Variants in ARHGEF10L observed in about 807,000 individuals in gnomAD.
The protein encoded by ARHGEF10L is Rho guanine nucleotide exchange factor 10 like.
In ARHGEF10L, 69 loss-of-function variants were observed where a neutral mutation model predicts 141.2. The observed-to-expected ratio is 0.49, with a 90% CI of 0.40 to 0.60. The LOEUF is 0.60. Ranked by LOEUF, ARHGEF10L falls within the 20% of genes least tolerant of loss-of-function variation. ARHGEF10L has a pLI of 0.00. For synonymous variants in ARHGEF10L, 711 were observed against 718.5 expected, an observed-to-expected ratio of 0.99 and a Z score of 0.17; for missense variants, 1,482 against 1,734.3, an observed-to-expected ratio of 0.85 and a Z score of 2.58.
intron 18 of ARHGEF10L, among the ~76,000 whole-genome samples, chr1:17,636,455 A>G (rs1218707840): frequency 6.6e-6 from 1 of 152,232 alleles, no homozygotes; most frequent in Non-Finnish European, 1.5e-5. Context: ...AATTAACAGC[A>G]TTAATGTAAT....
chr1:17,693,148 C>A (rs956566624), intron 27 of ARHGEF10L, among the ~76,000 whole-genome samples: 1 of 152,212 alleles, frequency 6.6e-6, no homozygotes, highest in Admixed American at 6.5e-5. Flanking sequence ...GCCATTATTA[C>A]AATGAAAGAA....
At chr1:17,638,145 G>A (rs570880147) in intron 19 of ARHGEF10L, 142 bp downstream of exon 19, 26 of 771,530 alleles carry the variant, frequency 3.4e-5, no homozygotes, top group Admixed American at 3.2e-4. Context: ...GTTGGCAACT[G>A]TCGCTGCTGA....
chr1:17,543,133 C>A (rs374887861), intron 1 of ARHGEF10L, among the ~76,000 whole-genome samples: 68 of 152,304 alleles, frequency 4.5e-4, no homozygotes, highest in African/African-American at 1.5e-3. Flanking sequence ...CATTCAGGAC[C>A]CTGGTCTGAT....
chr1:17,609,648 C>T (rs189643934), intron 7 of ARHGEF10L, among the ~76,000 whole-genome samples: 55 of 152,274 alleles, frequency 3.6e-4, no homozygotes, highest in African/African-American at 7.9e-4. Flanking sequence ...AATGCCTTTA[C>T]GTAAACATGA....
chr1:17,581,916 C>A (rs2078605091), intron 2 of ARHGEF10L, among the ~76,000 whole-genome samples: 1 of 152,054 alleles, frequency 6.6e-6, no homozygotes, highest in South Asian at 2.1e-4. Flanking sequence ...GCAGACCTGT[C>A]TTCCCTGTGG....
intron 1 of ARHGEF10L, among the ~76,000 whole-genome samples, chr1:17,580,300 G>C (rs1293635830): frequency 6.6e-6 from 1 of 152,242 alleles, no homozygotes; most frequent in Non-Finnish European, 1.5e-5. Flanking sequence ...GGTCCCTGCA[G>C]GTCCCTTGGC....
At position 17,627,435 on chromosome 1, in the gene ARHGEF10L, C is replaced by G; in HGVS notation, c.1516C>G (p.Leu506Val). 1 of 1,613,678 alleles carries G rather than the reference C, an allele frequency of 6.2e-7. No individual in the cohort carries two copies. The highest frequency in any genetic ancestry group is 8.5e-7 in the Non-Finnish European group (1 of 1,180,032). Reference sequence around the variant, plus strand: ...TGAGAAGCTGAACGAGCAGAAGCGGCTGGCTGACCAGGTGGCTGAGATCCA... The same window carrying G: ...TGAGAAGCTGAACGAGCAGAAGCGGGTGGCTGACCAGGTGGCTGAGATCCA... ...LAEKLNEQKR[L>V]ADQVAEIQQL... Residue 506 changes from leucine to valine, a missense_variant, in exon 15 of 29, where the codon CTG becomes GTG. Physicochemically the swap from Leu to Val is conservative, Grantham distance 32. Around this residue, in one of 3 missense-constraint regions of ARHGEF10L, gnomAD observed 392 missense variants for 542.1 expected, o/e 0.72. Transcript: ENST00000361221. This position sits in a 1 kb window ranked among gnomAD's most constrained non-coding sequence, Gnocchi z 4.0.
chr1:17,610,144 CCA>C (rs2059470063), intron 7 of ARHGEF10L, among the ~76,000 whole-genome samples: 3 of 152,154 alleles, frequency 2.0e-5, no homozygotes, highest in African/African-American at 7.2e-5. Flanking sequence ...CCCCATGCTT[CCA>C]CGGGCATCAG....
intron 28 of ARHGEF10L, 30 bp downstream of exon 28, chr1:17,695,310 A>C (rs1298148859): frequency 2.6e-6 from 4 of 1,546,736 alleles, no homozygotes; most frequent in Non-Finnish European, 3.5e-6. Flanking sequence ...TGTTGGCAGG[A>C]CCAGGGGGTC....
intron 15 of ARHGEF10L, among the ~76,000 whole-genome samples, chr1:17,629,168 G>T (rs1482584733): frequency 6.6e-6 from 1 of 151,832 alleles, no homozygotes; most frequent in Non-Finnish European, 1.5e-5. Context: ...CTACAAGCAC[G>T]AGCTACCACA....
intron 1 of ARHGEF10L, among the ~76,000 whole-genome samples, chr1:17,544,166 T>A (rs1228723844): frequency 1.3e-5 from 2 of 151,932 alleles, no homozygotes; most frequent in African/African-American, 2.4e-5. Flanking sequence ...TTGGCCAGGC[T>A]GGTCTTGAAC....
chr1:17,546,876 T>C (rs2076936325), intron 1 of ARHGEF10L, among the ~76,000 whole-genome samples: 1 of 152,166 alleles, frequency 6.6e-6, no homozygotes, highest in Admixed American at 6.5e-5. Flanking sequence ...ACCTTGGTAG[T>C]GCATGGCTCG....
At chr1:17,620,255 G>C (rs915004077) in intron 10 of ARHGEF10L, among the ~76,000 whole-genome samples, 2 of 151,912 alleles carry the variant, frequency 1.3e-5, no homozygotes, top group African/African-American at 4.8e-5. Flanking sequence ...TCGTGCTGAG[G>C]TCGGGCAGCT....
chr1:17,696,126 T>G (rs2065477477), intron 28 of ARHGEF10L, among the ~76,000 whole-genome samples: 1 of 151,852 alleles, frequency 6.6e-6, no homozygotes, highest in Admixed American at 6.6e-5. Flanking sequence ...GGCAAGAGAA[T>G]TTCTTGAACC....
At chr1:17,634,376 G>T (rs985851515) in intron 16 of ARHGEF10L, 172 bp from the exon 17 acceptor site, 3 of 1,008,642 alleles carry the variant, frequency 3.0e-6, no homozygotes, top group Non-Finnish European at 4.6e-6. Context: ...ATGAAGGAAG[G>T]CCCGCTTCTG....
chr1:17,577,036 G>T (rs1044228387), intron 1 of ARHGEF10L, among the ~76,000 whole-genome samples: 3 of 152,186 alleles, frequency 2.0e-5, no homozygotes, highest in Admixed American at 6.5e-5. Flanking sequence ...GATGAGAATG[G>T]TTATTGTTTA....
At chr1:17,683,930 T>C (rs2064350891) in intron 26 of ARHGEF10L, among the ~76,000 whole-genome samples, 1 of 152,178 alleles carries the variant, frequency 6.6e-6, no homozygotes, top group Admixed American at 6.5e-5. Flanking sequence ...AGGCTGAAAA[T>C]ACTTCTGACC....
At chr1:17,687,538 C>T (rs1212074156) in intron 26 of ARHGEF10L, 35 bp from the exon 27 acceptor site, 1 of 1,610,274 alleles carries the variant, frequency 6.2e-7, no homozygotes, top group South Asian at 1.1e-5. Flanking sequence ...CTGGCAGGCC[C>T]AGCCAGTATC....
At chr1:17,583,301 G>A (rs568907221) in intron 2 of ARHGEF10L, among the ~76,000 whole-genome samples, 51 of 151,940 alleles carry the variant, frequency 3.4e-4, no homozygotes, top group African/African-American at 1.2e-3. Flanking sequence ...CCTGTGAGTT[G>A]GAGAGGACTG....
Sources: allele counts gnomAD v4.1 joint callset (sites outside exome capture counted in the v4.1 genomes callset), GRCh38; gene constraint gnomAD v4.1.1; regional missense constraint gnomAD v4.1.1; non-coding constraint Gnocchi (gnomAD v3.1); transcripts MANE v1.5; gene names NCBI Gene and HGNC (gene_info 2026-07-23, HGNC 2026-07-21).